Variants in PACS2 observed in about 807,000 individuals in gnomAD.
The protein encoded by PACS2 is PACS1-like protein.
A neutral mutation model predicts 113.0 loss-of-function variants in PACS2; 36 were observed. The observed-to-expected ratio is 0.32, with a 90% CI of 0.24 to 0.42. The LOEUF is 0.42. PACS2 is among the 10% of genes least tolerant of loss of function. The pLI, the probability that PACS2 is intolerant of heterozygous loss-of-function variation, is 1.00. For missense variants in PACS2, 1,015 were observed against 1,239.5 expected (o/e 0.82, Z 2.72); for synonymous variants, 589 against 536.1 (o/e 1.10, Z -1.36).
intron 19 of PACS2, chr14:105,389,597 A>T: frequency 3.7e-6 from 1 of 272,266 alleles, no homozygotes; most frequent in Non-Finnish European, 7.2e-6. Context: ...GTGGAAATGC[A>T]AGCCGGACAG....
chr14:105,316,375 C>G (rs1213829116), intron 1 of PACS2, among the ~76,000 whole-genome samples: 2 of 152,258 alleles, frequency 1.3e-5, no homozygotes, highest in South Asian at 4.1e-4. Context: ...CTTCTCCATT[C>G]CAGGTCTTGG....
In PACS2 at chr14:105,394,896, CCAGAAGGA is replaced by C; in HGVS notation, c.*226_*233del. 3.8e-6 allele frequency: 2 copies of C among 522,030 alleles called. No individual in the cohort carries two copies. Among genetic ancestry groups the C allele is most frequent in the East Asian group, 6.7e-5 (2 of 29,924 alleles). The allele number at this position is 522,030 out of a possible 1,614,324, so 32.3% of individuals were successfully genotyped here. A position where few individuals can be genotyped will look rare whatever the true frequency, so the allele number is the denominator to read the frequency against. ...GAACGTTCGGCCCGGGGCTGGGAAG[CCAGAAGGA>C]CGATGCTGAGCCATGGATCGCGGAA... On this transcript the variant is annotated 3_prime_UTR_variant, in exon 25 of 25. Coordinates refer to ENST00000447393, the MANE Select transcript of PACS2 (RefSeq NM_001100913.3).
chr14:105,348,942 T>A lies in PACS2; in HGVS notation c.207+362T>A, dbSNP rs2060045972. Among the ~76,000 whole-genome samples the A allele has an allele frequency of 6.6e-6, 1 of 152,100 alleles. No homozygotes were observed. The highest frequency in any genetic ancestry group is 1.5e-5 in the Non-Finnish European group (1 of 67,986). On this transcript the variant is annotated intron_variant, in intron 2 of 24. Coordinates refer to ENST00000447393, the MANE Select transcript of PACS2 (RefSeq NM_001100913.3). The surrounding 1 kb of genome is among the most constrained non-coding windows in gnomAD (Gnocchi z 6.4). Reference sequence around the variant, plus strand: ...CCCACTTTTTGTGGGGTGGAGGGCGTCGGTGGGAGAGGGGAGCAGGGCACT... The same window carrying A: ...CCCACTTTTTGTGGGGTGGAGGGCGACGGTGGGAGAGGGGAGCAGGGCACT...
chr14:105,347,433 G>T (rs1363869058), intron 1 of PACS2, among the ~76,000 whole-genome samples: 1 of 152,190 alleles, frequency 6.6e-6, no homozygotes, highest in Non-Finnish European at 1.5e-5. Flanking sequence ...GCACTGGTGG[G>T]TGGCTGCGTT....
Position 105,376,801 on chromosome 14 carries a change from A to G in PACS2, c.835A>G (p.Ile279Val), listed in dbSNP as rs2080797473. ...LDSEQDPAEHIPEAEEDLDLL... is the reference protein window; with the variant it reads ...LDSEQDPAEHVPEAEEDLDLL... ...CTCGGAGCAGGACCCTGCGGAGCAC[A>G]TCCCCGAGGCAGAGGAGGACCTGGA... The change falls in exon 9 of 25, where the codon ATC (isoleucine) becomes GTC (valine). Residue 279 changes from isoleucine (I) to valine (V), a missense_variant. Transcript: ENST00000447393. The surrounding 1 kb of genome is among the most constrained non-coding windows in gnomAD (Gnocchi z 4.7). 2.5e-6 allele frequency: 4 copies of G among 1,613,006 alleles called. No homozygotes were observed. Among genetic ancestry groups the G allele is most frequent in the African/African-American group, 2.7e-5 (2 of 74,910 alleles).
chr14:105,320,011 C>G (rs2058829632), intron 1 of PACS2, among the ~76,000 whole-genome samples: 1 of 152,156 alleles, frequency 6.6e-6, no homozygotes, highest in African/African-American at 2.4e-5. Context: ...CAGAGTCTCG[C>G]TCTGTTACCA....
In PACS2 at chr14:105,367,752, G is replaced by A. The variant is rs1028361493; in HGVS notation, c.587-322G>A. 3.0e-4 allele frequency among the ~76,000 whole-genome samples: 46 copies of A among 152,226 alleles called. 1 individual carries two copies. The highest frequency in any genetic ancestry group is 1.3e-4 in the Admixed American group (2 of 15,290). On this transcript the variant is annotated intron_variant, in intron 5 of 24. Coordinates refer to ENST00000447393, the MANE Select transcript of PACS2 (RefSeq NM_001100913.3). ...CCAGGGCCTCCCCTACTCCTCAGGC[G>A]GGGGAGACCCAGTCGGTGCAAATCC...
chr14:105,321,945 C>A (rs113169658), intron 1 of PACS2, among the ~76,000 whole-genome samples: 11 of 142,898 alleles, frequency 7.7e-5, no homozygotes, highest in African/African-American at 2.8e-4. Context: ...CCTTTTCTGA[C>A]TTTTTTTTTT....
At chr14:105,350,493 G>A (rs1051496848) in intron 2 of PACS2, among the ~76,000 whole-genome samples, 4 of 152,100 alleles carry the variant, frequency 2.6e-5, no homozygotes, top group Non-Finnish European at 4.4e-5. Flanking sequence ...CAGCCCCTCT[G>A]TGTAGCGCAT....
chr14:105,389,966 A>C lies in PACS2; in HGVS notation c.2039A>C (p.Asp680Ala). ...GTCTGTTTCCTTGCTCTTAGCCCTG[A>C]CGAAGAGTCCTCCCAAAAGTTCATT... ...HFHFDFTLSP[D>A]EESSQKFIPF... Residue 680 changes from aspartate (D) to alanine (A), a missense_variant, in exon 20 of 25, where the codon GAC (aspartate) becomes GCC (alanine). Asp to Ala is a moderately radical substitution (Grantham distance 126). This residue lies in a region of PACS2 where 859 missense variants were observed against 1,056.8 expected (regional missense o/e 0.81). Coordinates refer to ENST00000447393, the MANE Select transcript of PACS2 (RefSeq NM_001100913.3). 3 of 1,613,846 alleles carry C rather than the reference A, an allele frequency of 1.9e-6. No individual in the cohort carries two copies. The highest frequency in any genetic ancestry group is 2.5e-6 in the Non-Finnish European group (3 of 1,179,800).
intron 4 of PACS2, 53 bp from the exon 5 acceptor site, chr14:105,367,160 C>T (rs1400721857): frequency 3.8e-6 from 6 of 1,559,156 alleles, no homozygotes; most frequent in Non-Finnish European, 5.3e-6. Flanking sequence ...CATCAGGGCA[C>T]CGGGGCTCCT....
intron 1 of PACS2, among the ~76,000 whole-genome samples, chr14:105,325,212 G>A (rs1243569356): frequency 1.1e-4 from 16 of 150,640 alleles, no homozygotes; most frequent in African/African-American, 3.9e-4. Context: ...GGTCAGTGCT[G>A]TGGCTCGGGG....
At chr14:105,374,396 T>C (rs2061267594) in intron 8 of PACS2, among the ~76,000 whole-genome samples, 1 of 152,242 alleles carries the variant, frequency 6.6e-6, no homozygotes, top group Non-Finnish European at 1.5e-5. Context: ...AGAATGTTTT[T>C]TGCAAATCAT....
intron 15 of PACS2, 147 bp downstream of exon 15, chr14:105,383,060 C>A: frequency 1.6e-6 from 1 of 632,040 alleles, no homozygotes; most frequent in Non-Finnish European, 2.8e-6. Context: ...GCGCTCTTCG[C>A]AGCCTGGCCT....
Position 105,394,548 on chromosome 14 carries a change from C to T in PACS2, c.2597-6C>T. ...GGGCAGGCGGTCAGGCAGCCCTCTC[C>T]CACAGTCCTCATCGACGGCGTGGAG... On this transcript the variant is annotated splice_region_variant and splice_polypyrimidine_tract_variant and intron_variant, in intron 24 of 24. Coordinates refer to ENST00000447393, the MANE Select transcript of PACS2 (RefSeq NM_001100913.3). 2 of 1,612,256 alleles carry T rather than the reference C, an allele frequency of 1.2e-6. No homozygotes were observed.
At position 105,384,859 on chromosome 14, in the gene PACS2, A is replaced by G. The variant is rs1555413163; in HGVS notation, c.1892-20A>G. 2 of 1,392,714 alleles carry G rather than the reference A, an allele frequency of 1.4e-6. No homozygotes were observed. The highest frequency in any genetic ancestry group is 2.8e-5 in the African/African-American group (2 of 70,188). 86.3% of individuals were successfully genotyped at this position (1,392,714 alleles called of 1,614,324 possible). On this transcript the variant is annotated intron_variant, in intron 17 of 24. Transcript: ENST00000447393. ...CCACCTGGCACCAGCCTAACCCCCC[A>G]CCGCCTCCTCCCCCTGCAGTACAGG...
chr14:105,364,351 G>A (rs1270522712), intron 4 of PACS2, among the ~76,000 whole-genome samples: 8 of 143,902 alleles, frequency 5.6e-5, no homozygotes, highest in Non-Finnish European at 1.1e-4. Flanking sequence ...TGTGGTGGGC[G>A]GTGTCCCGGG....
chr14:105,368,189 C>T (rs782731359), intron 6 of PACS2, 42 bp downstream of exon 6: 25 of 1,410,908 alleles, frequency 1.8e-5, no homozygotes, highest in Non-Finnish European at 2.5e-5. Flanking sequence ...CTGGCTCACA[C>T]CGGGTGTCCT....
rs201986979 is a variant in PACS2 at position 105,391,806 on chromosome 14, C to T, written c.2255+40C>T. 1.1e-3 allele frequency: 1,708 copies of T among 1,548,972 alleles called. 15 individuals are homozygous for T. In the African/African-American group the frequency reaches 0.018, roughly 16 times the overall value. On this transcript the variant is annotated intron_variant, in intron 22 of 24. Transcript: ENST00000447393. ...CGGCTCAGCACGTTTCACTTACCCGCCCCACCACATGCTGCCTGATTCAGT... is the reference window on the plus strand; with the variant it reads ...CGGCTCAGCACGTTTCACTTACCCGTCCCACCACATGCTGCCTGATTCAGT...
Sources: allele counts gnomAD v4.1 joint callset (sites outside exome capture counted in the v4.1 genomes callset), GRCh38; gene constraint gnomAD v4.1.1; regional missense constraint gnomAD v4.1.1; non-coding constraint Gnocchi (gnomAD v3.1); transcripts MANE v1.5; gene names NCBI Gene and HGNC (gene_info 2026-07-23, HGNC 2026-07-21).